Variants in CRLF2 observed in about 807,000 individuals in gnomAD.
The protein encoded by CRLF2 is cytokine receptor like factor 2.
Under a neutral mutation model 38.7 loss-of-function variants are expected in CRLF2, and 41 were observed. The observed-to-expected ratio is 1.06, with a 90% CI of 0.83 to 1.37. CRLF2 has a LOEUF of 1.37. Among genes scored for constraint, CRLF2 ranks in the 40% most tolerant of loss-of-function variants. CRLF2 has a pLI of 0.00. For synonymous variants in CRLF2, 140 were observed against 128.8 expected, an observed-to-expected ratio of 1.09 and a Z score of -0.59; for missense variants, 377 against 322.2, an observed-to-expected ratio of 1.17 and a Z score of -1.30.
At chrX:1,198,782 C>A (rs1307402661) in intron 4 of CRLF2, 58 bp from the exon 5 acceptor site, 3 of 1,302,668 alleles carry the variant, frequency 2.3e-6, no homozygotes, top group Non-Finnish European at 3.2e-6. Flanking sequence ...CACACACACA[C>A]AATGATTAGT....
chrX:1,200,830 A>G (rs2086593180), intron 4 of CRLF2, among the ~76,000 whole-genome samples: 1 of 41,612 alleles, frequency 2.4e-5, no homozygotes, highest in African/African-American at 7.0e-5. Flanking sequence ...AGCTGTGTAC[A>G]CAAGGTACGT....
intron 3 of CRLF2, among the ~76,000 whole-genome samples, chrX:1,206,070 T>C (rs1458539442): frequency 6.6e-6 from 1 of 152,000 alleles, no homozygotes; most frequent in Non-Finnish European, 1.5e-5. Context: ...GGTAATCAGC[T>C]GAAGGAAGTA....
chrX:1,206,327 G>T (rs2086690308), intron 3 of CRLF2, 106 bp downstream of exon 3: 1 of 976,870 alleles, frequency 1.0e-6, no homozygotes, highest in Non-Finnish European at 1.6e-6. Flanking sequence ...AATAGTTAAC[G>T]GTAATCATGG....
At chrX:1,209,309 G>T (rs1442810568) in intron 1 of CRLF2, among the ~76,000 whole-genome samples, 4 of 142,548 alleles carry the variant, frequency 2.8e-5, no homozygotes, top group African/African-American at 1.1e-4. Flanking sequence ...GTGTAGTGTA[G>T]TGTAGTGTAG....
intron 1 of CRLF2, among the ~76,000 whole-genome samples, chrX:1,209,927 C>A (rs772790565): frequency 6.6e-6 from 1 of 151,548 alleles, no homozygotes; most frequent in East Asian, 2.0e-4. Flanking sequence ...CATGGTGAAA[C>A]CCCGTCTCTA....
chrX:1,198,861 C>G, intron 4 of CRLF2, 137 bp from the exon 5 acceptor site: 1 of 868,748 alleles, frequency 1.2e-6, no homozygotes. Context: ...AAGAATGGAG[C>G]CGCGAGGCCG....
At chrX:1,196,214 G>A (rs2086472169) in intron 6 of CRLF2, among the ~76,000 whole-genome samples, 1 of 134,906 alleles carries the variant, frequency 7.4e-6, no homozygotes, top group Non-Finnish European at 1.6e-5. Context: ...TTGAGACAGA[G>A]TCTCGCTCTG....
intron 6 of CRLF2, among the ~76,000 whole-genome samples, chrX:1,194,238 CAA>C (rs2086442133): frequency 1.3e-5 from 2 of 151,250 alleles, no homozygotes. Flanking sequence ...TGCAGTGATC[CAA>C]GATCACACCA....
chrX:1,207,856 G>A (rs2086720592), intron 2 of CRLF2, among the ~76,000 whole-genome samples: 1 of 151,898 alleles, frequency 6.6e-6, no homozygotes, highest in Admixed American at 6.6e-5. Flanking sequence ...CACCATGTTG[G>A]CCAGGATGGT....
intron 4 of CRLF2, among the ~76,000 whole-genome samples, chrX:1,201,288 C>G (rs2086600161): frequency 6.6e-6 from 1 of 150,650 alleles, no homozygotes. Context: ...CTGTGTGTGT[C>G]TGTGTGTGTC....
chrX:1,200,072 A>ATG (rs200724731), intron 4 of CRLF2, among the ~76,000 whole-genome samples: 76,226 of 150,364 alleles, frequency 0.51, 19,764 homozygotes, highest in East Asian at 0.69. Context: ...GTGTGTATAT[A>ATG]TGTGTATATG....
Position 1,196,837 on chromosome X carries a change from C to A in CRLF2, c.710G>T (p.Ser237Ile), listed in dbSNP as rs749367150. The A allele has an allele frequency of 1.9e-6, 3 of 1,613,620 alleles. No homozygotes were observed. The Admixed American group carries it at 5.0e-5, about 27-fold the overall frequency. ...AGACACCATCAGAAGGATGGCCAGGCTGGAAATTAAAATAAATTTGGACAG... is the reference window on the plus strand; with the variant it reads ...AGACACCATCAGAAGGATGGCCAGGATGGAAATTAAAATAAATTTGGACAG... ...PKLSKFILISSLAILLMVSLL... is the reference protein window; with the variant it reads ...PKLSKFILISILAILLMVSLL... The change falls in exon 6 of 8, where the codon AGC becomes ATC. Residue 237 changes from serine (S) to isoleucine (I), a missense_variant. Ser to Ile is a moderately radical substitution (Grantham distance 142, BLOSUM62 -2). Coordinates refer to ENST00000400841, the MANE Select transcript of CRLF2 (RefSeq NM_022148.4).
intron 4 of CRLF2, among the ~76,000 whole-genome samples, chrX:1,200,034 T>G: frequency 6.8e-6 from 1 of 147,418 alleles, no homozygotes; most frequent in African/African-American, 2.5e-5. Context: ...TCTGTATATA[T>G]GTGTGTGTAT....
intron 6 of CRLF2, among the ~76,000 whole-genome samples, 179 bp from the exon 7 acceptor site, chrX:1,193,481 A>C (rs1276165190): frequency 6.6e-6 from 1 of 151,918 alleles, no homozygotes; most frequent in African/African-American, 2.4e-5. Context: ...GGTCCTCATA[A>C]AGTTCCCATC....
intron 2 of CRLF2, among the ~76,000 whole-genome samples, chrX:1,207,559 C>A (rs1366547221): frequency 1.4e-4 from 21 of 147,986 alleles, no homozygotes; most frequent in Admixed American, 2.7e-4. Flanking sequence ...CCAACACCCC[C>A]CCCAAGAACT....
chrX:1,192,565 G>A (rs1355506648), intron 7 of CRLF2, among the ~76,000 whole-genome samples: 11 of 152,074 alleles, frequency 7.2e-5, no homozygotes, highest in South Asian at 2.1e-4. Flanking sequence ...GCAGTGAGCC[G>A]AGATCAAACC....
intron 5 of CRLF2, 45 bp downstream of exon 5, chrX:1,198,517 G>C (rs756128020): frequency 6.3e-7 from 1 of 1,593,602 alleles, no homozygotes; most frequent in South Asian, 1.1e-5. Context: ...GCCTACTCCA[G>C]CCTGGTGACA....
intron 3 of CRLF2, among the ~76,000 whole-genome samples, chrX:1,206,039 A>T (rs2086685263): frequency 6.6e-6 from 1 of 151,950 alleles, no homozygotes; most frequent in Non-Finnish European, 1.5e-5. Context: ...GACTATCATG[A>T]GATTGCTTTT....
chrX:1,192,707 CTTTT>C (rs1259648349), intron 7 of CRLF2, among the ~76,000 whole-genome samples: 6 of 90,608 alleles, frequency 6.6e-5, no homozygotes, highest in Non-Finnish European at 9.4e-5. Context: ...CTTTTCTTTT[CTTTT>C]CTTTCTTTCT....
Sources: gnomAD v4.1 joint callset for allele counts (sites outside exome capture counted in the v4.1 genomes callset) on GRCh38, gnomAD v4.1.1 for gene constraint, MANE v1.5 for transcripts, NCBI Gene and HGNC (gene_info 2026-07-23, HGNC 2026-07-21) for gene names.